Variants in ROCK2 observed in about 807,000 individuals in gnomAD.
The protein encoded by ROCK2 is rho-associated protein kinase 2.
In ROCK2, 61 loss-of-function variants were observed where a neutral mutation model predicts 195.1. The observed-to-expected ratio is 0.31, with a 90% CI of 0.25 to 0.39. The LOEUF (loss-of-function observed/expected upper bound fraction) is 0.39. Ranked by LOEUF, ROCK2 falls within the 10% of genes least tolerant of loss-of-function variation. The pLI, the probability that ROCK2 is intolerant of heterozygous loss-of-function variation, is 1.00. For synonymous variants in ROCK2, 504 were observed against 545.5 expected (o/e 0.92, Z 1.06); for missense variants, 1,109 against 1,637.4 (o/e 0.68, Z 5.57).
chr2:11,308,980 C>T (rs1259878395), intron 1 of ROCK2: 2 of 1,606,592 alleles, frequency 1.2e-6, no homozygotes, highest in Middle Eastern at 2.3e-4. Flanking sequence ...TGAATTTTAC[C>T]ACTCAGTAGA....
intron 3 of ROCK2, among the ~76,000 whole-genome samples, chr2:11,256,369 G>A (rs995727926): frequency 4.6e-5 from 7 of 150,966 alleles, no homozygotes; most frequent in Admixed American, 3.9e-4. Context: ...CTTTGTTCTC[G>A]TCTTCCTTCT....
rs1211038248 is a variant in ROCK2, at chr2:11,215,575, T to C, written c.1532A>G (p.Lys511Arg). 1.9e-6 allele frequency: 3 copies of C among 1,613,808 alleles called. No homozygotes were observed. The highest frequency in any genetic ancestry group is 1.3e-5 in the African/African-American group (1 of 75,056). The part of the protein sequence containing the change: ...LEREKALLQH[K>R]NAEYQRKADH... ...AGCTTTCCTCTGATATTCTGCATTT[T>C]TGTGCTGAAGAAGCGCCTTTTCTCT... The change falls in exon 14 of 33, where the codon AAA (lysine) becomes AGA (arginine). Residue 511 changes from lysine (K) to arginine (R), a missense_variant. By Grantham distance (26) the Lys-to-Arg change is conservative (BLOSUM62 2). Coordinates refer to ENST00000315872, the MANE Select transcript of ROCK2 (RefSeq NM_004850.5).
intron 5 of ROCK2, among the ~76,000 whole-genome samples, chr2:11,233,835 G>A (rs1363090480): frequency 6.6e-6 from 1 of 152,172 alleles, no homozygotes; most frequent in Non-Finnish European, 1.5e-5. Context: ...CTATTAGGGA[G>A]AGGAAAGACA....
chr2:11,332,621 T>C (rs1228051532), intron 1 of ROCK2, among the ~76,000 whole-genome samples: 1 of 152,186 alleles, frequency 6.6e-6, no homozygotes, highest in Admixed American at 6.5e-5. Flanking sequence ...ATGGAGAAAC[T>C]GGAACCCTTA....
chr2:11,229,563 C>CA (rs200491599), intron 5 of ROCK2, among the ~76,000 whole-genome samples: 4,984 of 84,686 alleles, frequency 0.059, 153 homozygotes, highest in African/African-American at 0.13. Flanking sequence ...TTCACGTATC[C>CA]AAAAAAAAAA....
At chr2:11,307,141 T>C (rs1446335897) in intron 1 of ROCK2, among the ~76,000 whole-genome samples, 1 of 152,232 alleles carries the variant, frequency 6.6e-6, no homozygotes, top group East Asian at 1.9e-4. Flanking sequence ...GAATGGTTTG[T>C]ACTTTAAAAA....
At chr2:11,337,478 A>C (rs186179147) in intron 1 of ROCK2, among the ~76,000 whole-genome samples, 1 of 152,206 alleles carries the variant, frequency 6.6e-6, no homozygotes, top group Admixed American at 6.5e-5. Context: ...GTGCAAGAAA[A>C]AGTACATCAT....
At chr2:11,202,789 C>G (rs954764140) in intron 20 of ROCK2, among the ~76,000 whole-genome samples, 1 of 152,178 alleles carries the variant, frequency 6.6e-6, no homozygotes, top group East Asian at 1.9e-4. Flanking sequence ...AGCCACTGCA[C>G]CCGGCAGAAC....
intron 1 of ROCK2, among the ~76,000 whole-genome samples, chr2:11,331,289 T>C (rs940150213): frequency 6.6e-6 from 1 of 152,154 alleles, no homozygotes; most frequent in South Asian, 2.1e-4. Context: ...AACAAGAACA[T>C]GGCACCTGTG....
At chr2:11,273,491 T>C (rs980683893) in intron 3 of ROCK2, among the ~76,000 whole-genome samples, 13 of 151,978 alleles carry the variant, frequency 8.6e-5, no homozygotes, top group Non-Finnish European at 1.3e-4. Context: ...TAACAGACCA[T>C]CAAAATATAT....
intron 29 of ROCK2, 32 bp downstream of exon 29, chr2:11,194,224 T>C (rs745316302): frequency 4.2e-6 from 4 of 943,704 alleles, no homozygotes; most frequent in Non-Finnish European, 6.3e-6. Flanking sequence ...TTAAAAGATA[T>C]AGTTTCTAAA....
chr2:11,224,958 T>G (rs1003490465), intron 6 of ROCK2, among the ~76,000 whole-genome samples: 1 of 152,184 alleles, frequency 6.6e-6, no homozygotes, highest in Non-Finnish European at 1.5e-5. Flanking sequence ...ACTAGCCACA[T>G]TTTAAGTCAT....
intron 1 of ROCK2, among the ~76,000 whole-genome samples, chr2:11,339,537 A>C (rs972992695): frequency 1.6e-5 from 1 of 64,208 alleles, no homozygotes; most frequent in Non-Finnish European, 5.0e-5. Flanking sequence ...ACAGAAAAAA[A>C]AAAACAAAAA....
intron 1 of ROCK2, among the ~76,000 whole-genome samples, chr2:11,292,084 T>C (rs1056613798): frequency 6.6e-6 from 1 of 152,182 alleles, no homozygotes; most frequent in Non-Finnish European, 1.5e-5. Context: ...TAAAGGCTAT[T>C]TGGATTACAA....
At chr2:11,334,451 C>T (rs1310708096) in intron 1 of ROCK2, among the ~76,000 whole-genome samples, 3 of 133,048 alleles carry the variant, frequency 2.3e-5, no homozygotes, top group Admixed American at 9.2e-5. Context: ...GCAGAGATTG[C>T]GGTGAGCCGA....
chr2:11,253,493 C>A (rs1351826322), intron 3 of ROCK2, among the ~76,000 whole-genome samples: 2 of 152,238 alleles, frequency 1.3e-5, no homozygotes, highest in Non-Finnish European at 2.9e-5. Flanking sequence ...TAAGAACTCA[C>A]TGTTCTCAAC....
intron 8 of ROCK2, 72 bp from the exon 9 acceptor site, chr2:11,221,429 GTATTATT>G: frequency 1.8e-6 from 2 of 1,094,792 alleles, no homozygotes; most frequent in Middle Eastern, 2.8e-4. Context: ...TTATTATGAT[GTATTATT>G]TATTATTTAA....
upstream of ROCK2, among the ~76,000 whole-genome samples, chr2:11,345,376 C>G (rs904090430): frequency 6.6e-6 from 1 of 152,178 alleles, no homozygotes; most frequent in Non-Finnish European, 1.5e-5. Flanking sequence ...TTATCGGGAC[C>G]GTTCCGCCGC....
rs748584485 is a variant in ROCK2, at chr2:11,249,698, T to C, written c.425A>G (p.Asp142Gly). 6.3e-7 allele frequency: 1 copy of C among 1,579,216 alleles called. No individual in the cohort carries two copies. The highest frequency in any genetic ancestry group is 1.8e-5 in the Admixed American group (1 of 55,272). ...SDSAFFWEER[D>G]IMAFANSPWV... ...GGGGCTATTGGCAAAGGCCATAATA[T>C]CTCTTTCTTCCCAAAAAAAGGCAGA... Residue 142 changes from aspartate to glycine, a missense_variant, in exon 4 of 33, where the codon GAT becomes GGT. Transcript: ENST00000315872.
Sources: allele counts gnomAD v4.1 joint callset (sites outside exome capture counted in the v4.1 genomes callset), GRCh38; gene constraint gnomAD v4.1.1; transcripts MANE v1.5; gene names NCBI Gene and HGNC (gene_info 2026-07-23, HGNC 2026-07-21).